ADAT1: variants seen among roughly 807,000 people sequenced by gnomAD.
The protein encoded by ADAT1 is tRNA-specific adenosine deaminase 1.
Under a neutral mutation model 58.6 loss-of-function variants are expected in ADAT1, and 58 were observed. The ratio of observed to expected loss-of-function variants is 0.99; its 90% CI spans 0.80 to 1.23. The LOEUF is 1.23. Ranked by LOEUF, ADAT1 falls within the 50% of genes most tolerant of loss-of-function variation. ADAT1 has a pLI of 0.00. For synonymous variants in ADAT1, 254 were observed against 220.8 expected (o/e 1.15, Z -1.33); for missense variants, 741 against 608.6 (o/e 1.22, Z -2.29).
In ADAT1 at chr16:75,597,399, A is replaced by G. The variant is rs1008745629; in HGVS notation, c.*2817T>C. On this transcript the variant is annotated 3_prime_UTR_variant, in exon 10 of 10. Coordinates refer to ENST00000564657, the MANE Select transcript of ADAT1 (RefSeq NM_001324445.2). ...CAGGAGCCATCAGAAGCTAAGGAGG[A>G]AGCATGAAAGAGTCTTCTTCAGAGC... The G allele has an allele frequency of 2.2e-6, 1 of 451,494 alleles. No homozygotes were observed. Among genetic ancestry groups the G allele is most frequent in the African/African-American group, 2.0e-5 (1 of 50,104 alleles). The allele number at this position is 451,494 out of a possible 1,614,324, so 28.0% of individuals were successfully genotyped here.
rs556071872 is a variant in ADAT1, at chr16:75,609,049, A to G, written c.1044-61T>C. On this transcript the variant is annotated intron_variant, in intron 6 of 9. Coordinates refer to ENST00000564657, the MANE Select transcript of ADAT1 (RefSeq NM_001324445.2). ...ATGCCTAGAGAAAACAGTATCTAGG[A>G]TTGTGGCTCACATCATCACCCCTGA... The G allele has an allele frequency of 3.3e-5, 52 of 1,587,204 alleles. No individual in the cohort carries two copies. In the African/African-American group the frequency reaches 6.6e-4, roughly 20 times the overall value.
At chr16:75,603,276 A>T in intron 8 of ADAT1, 105 bp from the exon 9 acceptor site, 1 of 931,734 alleles carries the variant, frequency 1.1e-6, no homozygotes, top group Admixed American at 2.1e-5. Flanking sequence ...TGAAGGTGCC[A>T]GAGCCCCTCA....
Position 75,600,230 on chromosome 16 carries a change from G to T in ADAT1, c.1495C>A (p.His499Asn). The change falls in exon 10 of 10, where the codon CAC becomes AAC. Residue 499 changes from histidine to asparagine, a missense_variant. By Grantham distance (68) the His-to-Asn change is moderately conservative. Transcript: ENST00000564657. The stretch of plus-strand genomic sequence containing the variant: ...ACATTTCCTTCTCACTTGAACTGGT[G>T]ATAATCCGGTGGGTTTCTGATCCAG... ...GSWIRNPPDY[H>N]QFK The T allele has an allele frequency of 1.2e-6, 2 of 1,614,190 alleles. No individual in the cohort carries two copies. The highest frequency in any genetic ancestry group is 1.7e-6 in the Non-Finnish European group (2 of 1,180,014).
In ADAT1 at chr16:75,600,241, G is replaced by A. The variant is rs371126400; in HGVS notation, c.1484C>T (p.Pro495Leu). The change falls in exon 10 of 10, where the codon CCA (proline) becomes CTA (leucine). Residue 495 changes from proline (P) to leucine (L), a missense_variant. Transcript: ENST00000564657. ...KQVFGSWIRN[P>L]PDYHQFK ...TCACTTGAACTGGTGATAATCCGGT[G>A]GGTTTCTGATCCAGGATCCAAACAC... The A allele has an allele frequency of 2.3e-5, 37 of 1,614,046 alleles. No individual in the cohort carries two copies. The highest frequency in any genetic ancestry group is 3.1e-5 in the Non-Finnish European group (36 of 1,180,018).
chr16:75,618,308 C>T (rs1488705696), intron 4 of ADAT1, among the ~76,000 whole-genome samples: 1 of 151,728 alleles, frequency 6.6e-6, no homozygotes, highest in African/African-American at 2.4e-5. Flanking sequence ...AGTTTAAAAC[C>T]AGCCTGGCCA....
In ADAT1 at chr16:75,603,204, T is replaced by G. The variant is rs372694686; in HGVS notation, c.1290-33A>C. 58 of 1,582,056 alleles carry G rather than the reference T, an allele frequency of 3.7e-5. No individual in the cohort carries two copies. The African/African-American group carries it at 4.3e-4, about 12-fold the overall frequency. ...GAAAAAGAAGGCAAAGATGATTTAT[T>G]AAGTGTTTAGTATGTTCTAAGCCCC... On this transcript the variant is annotated intron_variant, in intron 8 of 9. Transcript: ENST00000564657.
intron 3 of ADAT1, among the ~76,000 whole-genome samples, chr16:75,618,872 C>T (rs1353432400): frequency 1.3e-5 from 2 of 152,170 alleles, no homozygotes; most frequent in Non-Finnish European, 2.9e-5. Flanking sequence ...GGATCTATTC[C>T]ATCCATACAC....
chr16:75,598,493 A>G lies in ADAT1; in HGVS notation c.*1723T>C, dbSNP rs1318327252. Reference sequence around the variant, plus strand: ...AAAATGTTCTAAAATTGATGGTTGCACAACTCTGTGGATATACTAAAAAAA... The same window carrying G: ...AAAATGTTCTAAAATTGATGGTTGCGCAACTCTGTGGATATACTAAAAAAA... On this transcript the variant is annotated 3_prime_UTR_variant, in exon 10 of 10. Transcript: ENST00000564657. Among the ~76,000 whole-genome samples the G allele has an allele frequency of 1.3e-5, 2 of 151,800 alleles. No individual in the cohort carries two copies. Among genetic ancestry groups the G allele is most frequent in the African/African-American group, 4.8e-5 (2 of 41,286 alleles).
chr16:75,607,485 G>A (rs952126329), intron 8 of ADAT1, among the ~76,000 whole-genome samples: 1 of 142,870 alleles, frequency 7.0e-6, no homozygotes, highest in Non-Finnish European at 1.5e-5. Context: ...CCAGGTGACA[G>A]AGCAAGACTC....
At chr16:75,616,563 C>T (rs556584823) in intron 5 of ADAT1, among the ~76,000 whole-genome samples, 6 of 152,214 alleles carry the variant, frequency 3.9e-5, no homozygotes, top group African/African-American at 7.2e-5. Context: ...AAACAAAAGA[C>T]GGAAATGACA....
intron 7 of ADAT1, 65 bp from the exon 8 acceptor site, chr16:75,608,388 A>G: frequency 7.3e-7 from 1 of 1,361,088 alleles, no homozygotes; most frequent in Non-Finnish European, 1.0e-6. Context: ...GAAGTATTTT[A>G]ATAAAAATAT....
At chr16:75,605,728 G>A (rs988280116) in intron 8 of ADAT1, among the ~76,000 whole-genome samples, 2 of 151,788 alleles carry the variant, frequency 1.3e-5, no homozygotes, top group Non-Finnish European at 2.9e-5. Flanking sequence ...CTGAGGTCAG[G>A]AGTTCAAGAC....
chr16:75,614,828 G>C (rs1382878002), intron 5 of ADAT1, among the ~76,000 whole-genome samples: 1 of 152,178 alleles, frequency 6.6e-6, no homozygotes, highest in Non-Finnish European at 1.5e-5. Flanking sequence ...CAAACCATGG[G>C]AGGACATCAC....
In ADAT1 at chr16:75,608,318, T is replaced by A; in HGVS notation, c.1195A>T (p.Ser399Cys). 1 of 1,613,414 alleles carries A rather than the reference T, an allele frequency of 6.2e-7. No individual in the cohort carries two copies. The highest frequency in any genetic ancestry group is 8.5e-7 in the Non-Finnish European group (1 of 1,179,410). The part of the protein sequence containing the change: ...GRLVPCGAAI[S>C]WSAVPEQPLD... Reference sequence around the variant, plus strand: ...GGCTGCTCAGGAACTGCACTCCAGCTGATGGCTATGAAAAGATAAGATTCT... The same window carrying A: ...GGCTGCTCAGGAACTGCACTCCAGCAGATGGCTATGAAAAGATAAGATTCT... The change falls in exon 8 of 10, where the codon AGC (serine) becomes TGC (cysteine). Residue 399 changes from serine (S) to cysteine (C), a missense_variant. Ser to Cys is a moderately radical substitution (Grantham distance 112). Transcript: ENST00000564657.
Position 75,603,149 on chromosome 16 carries a change from G to A in ADAT1, c.1312C>T (p.Leu438Phe), listed in dbSNP as rs1453044656. ...QARSQISKVE[L>F]FRSFQKLLSR... ...AGCAGCTTCTGGAATGATCTGAAGA[G>A]TTCCACTTTGCTGATTTGGGATCTG... Residue 438 changes from leucine to phenylalanine, a missense_variant, in exon 9 of 10, where the codon CTC (leucine) becomes TTC (phenylalanine). Physicochemically the swap from Leu to Phe is conservative, Grantham distance 22. Coordinates refer to ENST00000564657, the MANE Select transcript of ADAT1 (RefSeq NM_001324445.2). The A allele has an allele frequency of 6.2e-7, 1 of 1,614,000 alleles. No individual in the cohort carries two copies. The highest frequency in any genetic ancestry group is 1.7e-5 in the Admixed American group (1 of 59,998).
chr16:75,614,049 G>A (rs886852253), intron 5 of ADAT1, among the ~76,000 whole-genome samples: 1 of 152,054 alleles, frequency 6.6e-6, no homozygotes, highest in Admixed American at 6.6e-5. Flanking sequence ...AATTAGCCGG[G>A]TGTGGTGGCG....
At chr16:75,620,448 G>A (rs769595126) in intron 2 of ADAT1, 114 bp from the exon 3 acceptor site, 75 of 1,431,290 alleles carry the variant, frequency 5.2e-5, no homozygotes, top group Non-Finnish European at 7.3e-5. Flanking sequence ...ACTCAACCAA[G>A]GTCTGCGGTT....
chr16:75,619,967 T>C (rs1034380832), intron 3 of ADAT1, among the ~76,000 whole-genome samples: 6 of 151,762 alleles, frequency 4.0e-5, no homozygotes, highest in Non-Finnish European at 8.8e-5. Flanking sequence ...CTACCTGCTA[T>C]AGAGTCCCAA....
intron 5 of ADAT1, among the ~76,000 whole-genome samples, chr16:75,614,019 G>A (rs939504204): frequency 2.6e-5 from 4 of 152,036 alleles, no homozygotes; most frequent in Admixed American, 2.0e-4. Context: ...GTGAAACCCT[G>A]TCTCTACTAA....
Sources: gnomAD v4.1 joint callset for allele counts (sites outside exome capture counted in the v4.1 genomes callset) on GRCh38, gnomAD v4.1.1 for gene constraint, MANE v1.5 for transcripts, NCBI Gene and HGNC (gene_info 2026-07-23, HGNC 2026-07-21) for gene names.